The following HS6ST3 variants were observed in gnomAD, a reference collection of about 807,000 sequenced individuals.
The protein encoded by HS6ST3 is heparan-sulfate 6-O-sulfotransferase 3.
In HS6ST3, 12 loss-of-function variants were observed where a neutral mutation model predicts 36.7. That is an observed-to-expected ratio of 0.33 (90% CI 0.21 to 0.53). HS6ST3 has a LOEUF of 0.53. Ranked by LOEUF, HS6ST3 falls within the 20% of genes least tolerant of loss-of-function variation. The pLI is 0.95. For missense variants in HS6ST3, 584 were observed against 640.9 expected (o/e 0.91, Z 0.96); for synonymous variants, 240 against 257.5 (o/e 0.93, Z 0.65).
At chr13:96,273,622 G>A (rs1053654330) in intron 1 of HS6ST3, among the ~76,000 whole-genome samples, 2 of 150,414 alleles carry the variant, frequency 1.3e-5, no homozygotes, top group Non-Finnish European at 2.9e-5. Context: ...TCTTTAGACT[G>A]ATAACTGGAG....
rs2056457242 is a variant in HS6ST3, at chr13:96,611,537, A to G, written c.708-220953A>G. On this transcript the variant is annotated intron_variant, in intron 1 of 1. Transcript: ENST00000376705. ...AGCTTCCAGTCTATTCAAAGAAATG[A>G]GAAAATGAGCAACTATGTAAAATAA... Among the ~76,000 whole-genome samples the G allele has an allele frequency of 2.0e-5, 3 of 152,312 alleles. No homozygotes were observed. The South Asian group carries it at 6.2e-4, about 32-fold the overall frequency.
intron 1 of HS6ST3, chr13:96,574,150 G>T: frequency 1.9e-6 from 1 of 532,334 alleles, no homozygotes; most frequent in Non-Finnish European, 3.8e-6. Context: ...TTTAAGGACA[G>T]CTGATATCTC....
intron 1 of HS6ST3, among the ~76,000 whole-genome samples, chr13:96,638,202 T>C (rs1444576650): frequency 6.6e-6 from 1 of 152,096 alleles, no homozygotes; most frequent in Admixed American, 6.6e-5. Context: ...ACCAGAAATA[T>C]ATAATTCCAC....
intron 1 of HS6ST3, among the ~76,000 whole-genome samples, chr13:96,289,266 A>G (rs151289630): frequency 0.011 from 1,741 of 152,206 alleles, 35 homozygotes; most frequent in African/African-American, 0.04. Flanking sequence ...AAGATTAAGA[A>G]AAGAGAACAC....
At chr13:96,676,648 T>C (rs1193043353) in intron 1 of HS6ST3, among the ~76,000 whole-genome samples, 1 of 152,166 alleles carries the variant, frequency 6.6e-6, no homozygotes. Context: ...GAAGTCCTTA[T>C]TCCTGGGTTG....
intron 1 of HS6ST3, among the ~76,000 whole-genome samples, chr13:96,678,385 A>C (rs2056706528): frequency 6.6e-6 from 1 of 152,144 alleles, no homozygotes; most frequent in Admixed American, 6.5e-5. Context: ...TATTTAAAAC[A>C]GAATAAAGGC....
intron 1 of HS6ST3, among the ~76,000 whole-genome samples, chr13:96,640,696 C>A (rs1340943353): frequency 2.0e-5 from 3 of 151,920 alleles, no homozygotes; most frequent in Non-Finnish European, 4.4e-5. Flanking sequence ...CGAGGTCTTA[C>A]ATGAAAATTT....
At chr13:96,530,407 C>G (rs766837738) in intron 1 of HS6ST3, among the ~76,000 whole-genome samples, 1 of 152,148 alleles carries the variant, frequency 6.6e-6, no homozygotes, top group African/African-American at 2.4e-5. Context: ...TAAATAACCC[C>G]TTACTTGAAA....
intron 1 of HS6ST3, among the ~76,000 whole-genome samples, chr13:96,715,580 A>G (rs569058961): frequency 6.6e-6 from 1 of 152,044 alleles, no homozygotes; most frequent in Non-Finnish European, 1.5e-5. Flanking sequence ...ACTTTCTTTC[A>G]TTTTTTGTAC....
chr13:96,658,078 C>G (rs1016791535), intron 1 of HS6ST3, among the ~76,000 whole-genome samples: 1 of 151,960 alleles, frequency 6.6e-6, no homozygotes, highest in African/African-American at 2.4e-5. Flanking sequence ...TTAATTTTGC[C>G]TATTCTTAAC....
intron 1 of HS6ST3, among the ~76,000 whole-genome samples, chr13:96,437,236 C>T (rs1454491082): frequency 6.6e-6 from 1 of 152,210 alleles, no homozygotes. Flanking sequence ...TCCAGCATGA[C>T]CTTGTTAATT....
chr13:96,492,067 C>T (rs553911673), intron 1 of HS6ST3, among the ~76,000 whole-genome samples: 95 of 152,096 alleles, frequency 6.2e-4, no homozygotes, highest in Non-Finnish European at 1.1e-3. Flanking sequence ...GACAAAACCC[C>T]CTGATTTATC....
chr13:96,751,002 CT>C (rs1262507200), intron 1 of HS6ST3, among the ~76,000 whole-genome samples: 1 of 152,150 alleles, frequency 6.6e-6, no homozygotes, highest in Non-Finnish European at 1.5e-5. Context: ...GGCTAATACT[CT>C]TTTCAGGCAT....
chr13:96,464,947 CGTGT>C (rs71113997), intron 1 of HS6ST3, among the ~76,000 whole-genome samples: 43,759 of 144,982 alleles, frequency 0.3, 7,455 homozygotes, highest in Non-Finnish European at 0.4. Flanking sequence ...CAAGATGCTT[CGTGT>C]GTGTGTGTGT....
At chr13:96,195,364 C>T (rs749379125) in intron 1 of HS6ST3, among the ~76,000 whole-genome samples, 8 of 152,130 alleles carry the variant, frequency 5.3e-5, no homozygotes, top group East Asian at 1.9e-4. Flanking sequence ...ATAGCTTCGA[C>T]GGTTTTTAAA....
chr13:96,518,468 C>CA (rs2056081349), intron 1 of HS6ST3, among the ~76,000 whole-genome samples: 1 of 152,054 alleles, frequency 6.6e-6, no homozygotes, highest in Admixed American at 6.6e-5. Flanking sequence ...AACAATATCA[C>CA]AAAAATATTA....
intron 1 of HS6ST3, among the ~76,000 whole-genome samples, chr13:96,625,456 G>T (rs970623024): frequency 6.6e-6 from 1 of 152,042 alleles, no homozygotes; most frequent in Non-Finnish European, 1.5e-5. Flanking sequence ...TTGCCAAAAC[G>T]ACCATCAATT....
rs745176 is a variant in HS6ST3, at chr13:96,447,386, T to C, written c.707+355817T>C. The stretch of plus-strand genomic sequence containing the variant: ...TATTTTCTTCATTTCCATCTTATTG[T>C]TATAGGAGTTACTAAGAAATTATTT... On this transcript the variant is annotated intron_variant, in intron 1 of 1. Transcript: ENST00000376705. Among the ~76,000 whole-genome samples the C allele has an allele frequency of 9.4e-3, 1,433 of 152,336 alleles. 10 individuals carry two copies. The highest frequency in any genetic ancestry group is 0.015 in the Non-Finnish European group (1,054 of 68,034).
chr13:96,456,225 G>A (rs1385704794), intron 1 of HS6ST3, among the ~76,000 whole-genome samples: 1 of 152,158 alleles, frequency 6.6e-6, no homozygotes, highest in African/African-American at 2.4e-5. Flanking sequence ...TATAATTACT[G>A]ATGTGTAATA....
Sources: allele counts gnomAD v4.1 joint callset (sites outside exome capture counted in the v4.1 genomes callset), GRCh38; gene constraint gnomAD v4.1.1; transcripts MANE v1.5; gene names NCBI Gene and HGNC (gene_info 2026-07-23, HGNC 2026-07-21).